Variants in SNRPD1 observed in about 807,000 individuals in gnomAD.
SNRPD1 encodes the protein small nuclear ribonucleoprotein Sm D1.
A neutral mutation model predicts 14.4 loss-of-function variants in SNRPD1; 1 was observed. The ratio of observed to expected loss-of-function variants is 0.07; its 90% CI spans 0.02 to 0.33. The LOEUF is 0.33. Among genes scored for constraint, SNRPD1 ranks in the 10% least tolerant of loss-of-function variants. The pLI is 1.00. For synonymous variants in SNRPD1, 42 were observed against 50.3 expected, an observed-to-expected ratio of 0.83 and a Z score of 0.70; for missense variants, 52 against 146.4, an observed-to-expected ratio of 0.36 and a Z score of 3.33.
At chr18:21,625,316 A>AATTTTTTTTTT (rs771340999) in intron 3 of SNRPD1, among the ~76,000 whole-genome samples, 2 of 109,102 alleles carry the variant, frequency 1.8e-5, no homozygotes, top group African/African-American at 1.0e-4. Flanking sequence ...GTTGAAAAAA[A>AATTTTTTTTTT]TTTTTTTTTT....
intron 1 of SNRPD1, among the ~76,000 whole-genome samples, chr18:21,613,030 C>T (rs1291515353): frequency 6.6e-6 from 1 of 152,112 alleles, no homozygotes; most frequent in African/African-American, 2.4e-5. Flanking sequence ...TTTTATCCTC[C>T]TTAGATTTGT....
rs2039087967 is a variant in SNRPD1 at position 21,631,973 on chromosome 18, A to G, written c.*2835A>G. ...TTATAGACAGAAGCAGATAACAAATAAAAATTGGAGCTTAGTGCCGTGGTG... is the reference window on the plus strand; with the variant it reads ...TTATAGACAGAAGCAGATAACAAATGAAAATTGGAGCTTAGTGCCGTGGTG... On this transcript the variant is annotated 3_prime_UTR_variant, in exon 4 of 4. Transcript: ENST00000300413. 6.6e-6 allele frequency: 1 copy of G among 152,120 alleles called. No homozygotes were observed. Among genetic ancestry groups the G allele is most frequent in the Non-Finnish European group, 1.5e-5 (1 of 68,030 alleles). The allele number at this position is 152,120 out of a possible 1,614,324, so 9.4% of individuals were successfully genotyped here. A position where few individuals can be genotyped will look rare whatever the true frequency, so the allele number is the denominator to read the frequency against.
intron 1 of SNRPD1, 126 bp downstream of exon 1, chr18:21,612,569 C>A: frequency 1.6e-6 from 1 of 636,768 alleles, no homozygotes; most frequent in South Asian, 3.2e-5. Flanking sequence ...TAACGGCCGG[C>A]CTTACTGCGC....
chr18:21,633,125 C>A lies in SNRPD1; in HGVS notation c.*3987C>A, dbSNP rs549982585. 6.6e-6 allele frequency: 1 copy of A among 152,320 alleles called. No individual in the cohort carries two copies. Among genetic ancestry groups the A allele is most frequent in the Admixed American group, 6.5e-5 (1 of 15,294 alleles). 9.4% of individuals were successfully genotyped at this position (152,320 alleles called of 1,614,324 possible). ...TCGGCCTCCCAAAGTGCTGGGATTACAGGCGTGAGCCACCGCGTCCGGCCG... is the reference window on the plus strand; with the variant it reads ...TCGGCCTCCCAAAGTGCTGGGATTAAAGGCGTGAGCCACCGCGTCCGGCCG... On this transcript the variant is annotated 3_prime_UTR_variant, in exon 4 of 4. Transcript: ENST00000300413.
chr18:21,626,190 C>T (rs982081520), intron 3 of SNRPD1, among the ~76,000 whole-genome samples: 1 of 150,760 alleles, frequency 6.6e-6, no homozygotes, highest in African/African-American at 2.4e-5. Flanking sequence ...CTCGGAAGTT[C>T]GAGACCAGCC....
At chr18:21,619,356 A>G (rs2038980538) in intron 1 of SNRPD1, among the ~76,000 whole-genome samples, 1 of 151,788 alleles carries the variant, frequency 6.6e-6, no homozygotes, top group Admixed American at 6.6e-5. Context: ...ATTTTTTTGT[A>G]TTTTTAGCAG....
At chr18:21,624,690 C>CA (rs1206974503) in intron 3 of SNRPD1, among the ~76,000 whole-genome samples, 463 of 138,348 alleles carry the variant, frequency 3.3e-3, no homozygotes, top group Middle Eastern at 0.019. Context: ...GACTTTGTCT[C>CA]AAAAAAAAAA....
intron 3 of SNRPD1, among the ~76,000 whole-genome samples, chr18:21,625,160 A>G (rs935904080): frequency 6.6e-6 from 1 of 150,936 alleles, no homozygotes; most frequent in African/African-American, 2.4e-5. Flanking sequence ...TTTTTTTACT[A>G]CCTACCTACC....
intron 3 of SNRPD1, among the ~76,000 whole-genome samples, chr18:21,626,595 C>G (rs1035702184): frequency 6.6e-6 from 1 of 151,062 alleles, no homozygotes; most frequent in Admixed American, 6.6e-5. Context: ...TCAACACCAG[C>G]CTGGCCAATG....
intron 1 of SNRPD1, among the ~76,000 whole-genome samples, chr18:21,621,794 C>G (rs929794026): frequency 1.2e-4 from 19 of 152,034 alleles, no homozygotes; most frequent in African/African-American, 4.6e-4. Context: ...CCAGGCTGGT[C>G]TTGAATTCCT....
chr18:21,622,098 A>G (rs938984639), intron 1 of SNRPD1, among the ~76,000 whole-genome samples: 4 of 152,070 alleles, frequency 2.6e-5, no homozygotes, highest in African/African-American at 7.2e-5. Context: ...CTTTATAGGC[A>G]TTATAATAAG....
At chr18:21,621,560 C>T (rs998766134) in intron 1 of SNRPD1, among the ~76,000 whole-genome samples, 1 of 151,938 alleles carries the variant, frequency 6.6e-6, no homozygotes, top group African/African-American at 2.4e-5. Context: ...GCCACCTTGC[C>T]TCGCTAATTT....
chr18:21,630,931 T>C lies in SNRPD1; in HGVS notation c.*1793T>C, dbSNP rs1162043373. On this transcript the variant is annotated 3_prime_UTR_variant, in exon 4 of 4. Coordinates refer to ENST00000300413, the MANE Select transcript of SNRPD1 (RefSeq NM_006938.4). The stretch of plus-strand genomic sequence containing the variant: ...TAAATAAATACTAGATATATATTTT[T>C]TTAAGTATCTTACCTCATCAAGTAA... 3.3e-5 allele frequency: 5 copies of C among 150,882 alleles called. No individual in the cohort carries two copies. The highest frequency in any genetic ancestry group is 7.4e-5 in the Non-Finnish European group (5 of 67,814). The allele number at this position is 150,882 out of a possible 1,614,324, so 9.3% of individuals were successfully genotyped here. A position where few individuals can be genotyped will look rare whatever the true frequency, so the allele number is the denominator to read the frequency against.
rs115119560 is a variant in SNRPD1, at chr18:21,623,360, T to C, written c.92-388T>C. ...TCTTAACAAAAGCAGTAACAATTCTTATATACAGAGAGAAGCAGAAACAAA... is the reference window on the plus strand; with the variant it reads ...TCTTAACAAAAGCAGTAACAATTCTCATATACAGAGAGAAGCAGAAACAAA... On this transcript the variant is annotated intron_variant, in intron 2 of 3. Transcript: ENST00000300413. Among the ~76,000 whole-genome samples the C allele has an allele frequency of 3.7e-3, 561 of 152,284 alleles. 3 individuals carry two copies. The highest frequency in any genetic ancestry group is 0.013 in the African/African-American group (532 of 41,562).
rs1303467327 is a variant in SNRPD1, at chr18:21,632,465, A to G, written c.*3327A>G. On this transcript the variant is annotated 3_prime_UTR_variant, in exon 4 of 4. Coordinates refer to ENST00000300413, the MANE Select transcript of SNRPD1 (RefSeq NM_006938.4). ...CAGAGCGAGACTGTTTCAAAAAAAAAAAAAAAATTTGTTTTGAGAGTTTTT... is the reference window on the plus strand; with the variant it reads ...CAGAGCGAGACTGTTTCAAAAAAAAGAAAAAAATTTGTTTTGAGAGTTTTT... 4.6e-5 allele frequency: 7 copies of G among 152,202 alleles called. No homozygotes were observed. Among genetic ancestry groups the G allele is most frequent in the African/African-American group, 1.7e-4 (7 of 41,520 alleles). The allele number at this position is 152,202 out of a possible 1,614,324, so 9.4% of individuals were successfully genotyped here.
chr18:21,621,263 A>G (rs1202346706), intron 1 of SNRPD1, among the ~76,000 whole-genome samples: 1 of 152,234 alleles, frequency 6.6e-6, no homozygotes, highest in Non-Finnish European at 1.5e-5. Context: ...ACTTATAGCA[A>G]CTTGTGTTGG....
At chr18:21,612,485 G>A in intron 1 of SNRPD1, 42 bp downstream of exon 1, 1 of 1,425,614 alleles carries the variant, frequency 7.0e-7, no homozygotes, top group Non-Finnish European at 9.4e-7. Context: ...GTGAAGGGAG[G>A]GCTTGGCCCG....
intron 3 of SNRPD1, among the ~76,000 whole-genome samples, chr18:21,628,031 A>G (rs1249547146): frequency 6.6e-6 from 1 of 152,114 alleles, no homozygotes; most frequent in African/African-American, 2.4e-5. Flanking sequence ...CTTAATTAGC[A>G]TCTTAAACTT....
intron 1 of SNRPD1, among the ~76,000 whole-genome samples, chr18:21,615,206 A>AT (rs1447737149): frequency 1.3e-5 from 2 of 152,212 alleles, no homozygotes. Context: ...ATCACAAAGT[A>AT]TTTTTGCGTA....
Sources: gnomAD v4.1 joint callset for allele counts (sites outside exome capture counted in the v4.1 genomes callset) on GRCh38, gnomAD v4.1.1 for gene constraint, MANE v1.5 for transcripts, NCBI Gene and HGNC (gene_info 2026-07-23, HGNC 2026-07-21) for gene names.